The following SLC36A1 variants were observed in gnomAD, a reference collection of about 807,000 sequenced individuals.
The protein encoded by SLC36A1 is proton-coupled amino acid transporter 1.
Under a neutral mutation model 47.5 loss-of-function variants are expected in SLC36A1, and 30 were observed. That is an observed-to-expected ratio of 0.63 (90% confidence interval 0.47 to 0.86). SLC36A1 has a LOEUF of 0.86. Among genes scored for constraint, SLC36A1 ranks in the 40% least tolerant of loss-of-function variants. SLC36A1 has a pLI of 0.00. For missense variants in SLC36A1, 517 were observed against 606.0 expected (o/e 0.85, Z 1.54); for synonymous variants, 255 against 249.7 (o/e 1.02, Z -0.20).
At chr5:151,448,408 T>C (rs1209921462) in intron 1 of SLC36A1, among the ~76,000 whole-genome samples, 2 of 152,240 alleles carry the variant, frequency 1.3e-5, no homozygotes, top group Non-Finnish European at 2.9e-5. Context: ...TCTCCCTTTT[T>C]AGCTGTCTGC....
the SLC36A1 span, chr5:151,507,156 A>C: frequency 2.1e-5 from 33 of 1,576,818 alleles, no homozygotes; most frequent in South Asian, 3.8e-4. Flanking sequence ...ATACTGACCC[A>C]TCTCCTCGCT....
chr5:151,380,283 G>A, the SLC36A1 span: 9 of 254,058 alleles, frequency 3.5e-5, no homozygotes, highest in East Asian at 8.0e-4. Context: ...TCCGGAGTTC[G>A]AGACCAGCTT....
chr5:151,521,964 A>C, the SLC36A1 span: 2 of 1,614,032 alleles, frequency 1.2e-6, no homozygotes, highest in South Asian at 1.1e-5. Flanking sequence ...CCTGGAACTC[A>C]TCCTCTCCAA....
At chr5:151,505,880 G>A in the SLC36A1 span, 21 of 1,605,726 alleles carry the variant, frequency 1.3e-5, no homozygotes, top group Non-Finnish European at 1.4e-5. Context: ...CCAGGTTCTG[G>A]TTGCTGTAAC....
the SLC36A1 span, among the ~76,000 whole-genome samples, chr5:151,362,159 C>T: frequency 1.3e-5 from 2 of 152,100 alleles, no homozygotes; most frequent in East Asian, 1.9e-4. Flanking sequence ...GCTTTCTACC[C>T]CTTGCTGTTG....
intron 4 of SLC36A1, 34 bp from the exon 5 acceptor site, chr5:151,465,040 G>T: frequency 6.6e-7 from 1 of 1,520,260 alleles, no homozygotes; most frequent in Non-Finnish European, 9.1e-7. Context: ...TAATCCACGT[G>T]CTCTGTCCTT....
the SLC36A1 span, among the ~76,000 whole-genome samples, chr5:151,420,961 C>T: frequency 1.3e-5 from 2 of 151,150 alleles, no homozygotes; most frequent in South Asian, 4.2e-4. Flanking sequence ...AGCTCCTTCT[C>T]CCAGGTTCAC....
At position 151,447,767 on chromosome 5, in the gene SLC36A1, T is replaced by C. The variant is rs1246201494; in HGVS notation, c.-52T>C. ...TGCCGGCTGGCGGCGCTCGCCGCCT[T>C]GGGCAGGACCCACCTCGCCTTCCTC... On this transcript the variant is annotated 5_prime_UTR_variant, in exon 1 of 11. Coordinates refer to ENST00000243389, the MANE Select transcript of SLC36A1 (RefSeq NM_078483.4). 6.6e-6 allele frequency: 1 copy of C among 152,238 alleles called. No homozygotes were observed. The highest frequency in any genetic ancestry group is 1.5e-5 in the Non-Finnish European group (1 of 68,094). 9.4% of individuals were successfully genotyped at this position (152,238 alleles called of 1,614,324 possible).
At chr5:151,373,754 T>G in the SLC36A1 span, among the ~76,000 whole-genome samples, 1 of 152,172 alleles carries the variant, frequency 6.6e-6, no homozygotes, top group Non-Finnish European at 1.5e-5. Context: ...AAAAATTGTT[T>G]TAGAGACAGG....
At chr5:151,414,085 C>T in the SLC36A1 span, among the ~76,000 whole-genome samples, 1 of 152,158 alleles carries the variant, frequency 6.6e-6, no homozygotes, top group Admixed American at 6.5e-5. Context: ...TGTCTACCCT[C>T]TATGAGCTCA....
At chr5:151,401,876 C>T in the SLC36A1 span, among the ~76,000 whole-genome samples, 9 of 151,586 alleles carry the variant, frequency 5.9e-5, no homozygotes, top group Admixed American at 4.6e-4. Flanking sequence ...ATTTTAAAAT[C>T]TTCTAAGAGC....
At chr5:151,432,292 C>T (rs986719126), upstream of SLC36A1, among the ~76,000 whole-genome samples, 1 of 152,174 alleles carries the variant, frequency 6.6e-6, no homozygotes, top group African/African-American at 2.4e-5. Context: ...GAGTGTATAA[C>T]AAAAGCAGTT....
the SLC36A1 span, among the ~76,000 whole-genome samples, chr5:151,363,001 A>G: frequency 6.6e-6 from 1 of 152,112 alleles, no homozygotes; most frequent in Non-Finnish European, 1.5e-5. Flanking sequence ...TTGTGGATGT[A>G]CACCTATGTC....
chr5:151,530,168 T>C, the SLC36A1 span, among the ~76,000 whole-genome samples: 1 of 152,100 alleles, frequency 6.6e-6, no homozygotes, highest in Admixed American at 6.6e-5. Flanking sequence ...TATAATGGCC[T>C]TATATACCCA....
At chr5:151,543,571 G>A in the SLC36A1 span, 12 of 1,614,062 alleles carry the variant, frequency 7.4e-6, no homozygotes, top group Non-Finnish European at 1.0e-5. Context: ...ATTGATGATA[G>A]TATAATCTAT....
chr5:151,553,459 A>T, the SLC36A1 span: 1 of 1,340,800 alleles, frequency 7.5e-7, no homozygotes, highest in Non-Finnish European at 1.1e-6. Flanking sequence ...CCAGGACAGG[A>T]ACCAGAGCGT....
At chr5:151,382,527 A>T in the SLC36A1 span, 1 of 486,336 alleles carries the variant, frequency 2.1e-6, no homozygotes, top group South Asian at 3.6e-5. Flanking sequence ...AATGAGTGCA[A>T]AGTGTGTTTT....
At chr5:151,380,785 GC>G in the SLC36A1 span, 1 of 524,250 alleles carries the variant, frequency 1.9e-6, no homozygotes, top group Non-Finnish European at 3.9e-6. Flanking sequence ...TGAGCGCAAG[GC>G]CTCTGGGAAG....
At chr5:151,530,509 G>A in the SLC36A1 span, among the ~76,000 whole-genome samples, 1 of 152,138 alleles carries the variant, frequency 6.6e-6, no homozygotes, top group Non-Finnish European at 1.5e-5. Context: ...ATGGCAGGGG[G>A]AAATAAAGAG....
Sources: gnomAD v4.1 joint callset for allele counts (sites outside exome capture counted in the v4.1 genomes callset) on GRCh38, gnomAD v4.1.1 for gene constraint, MANE v1.5 for transcripts, NCBI Gene and HGNC (gene_info 2026-07-23, HGNC 2026-07-21) for gene names.